LINC00305: variants seen among roughly 807,000 people sequenced by gnomAD.
The protein encoded by LINC00305 is long independently transcribed non-coding RNA 305.
intron 3 of LINC00305, among the ~76,000 whole-genome samples, chr18:64,091,419 T>C (rs2051224621): frequency 6.6e-6 from 1 of 152,214 alleles, no homozygotes; most frequent in Non-Finnish European, 1.5e-5. Context: ...GGACTTCATG[T>C]GCAAAACGCA....
chr18:64,133,946 G>T (rs1279461289), intron 1 of LINC00305, among the ~76,000 whole-genome samples: 1 of 152,072 alleles, frequency 6.6e-6, no homozygotes, highest in Non-Finnish European at 1.5e-5. Flanking sequence ...ATATAAAATA[G>T]TAAATACTTG....
chr18:64,114,769 G>T (rs1284274247), intron 1 of LINC00305, among the ~76,000 whole-genome samples: 2 of 152,188 alleles, frequency 1.3e-5, no homozygotes, highest in African/African-American at 2.4e-5. Flanking sequence ...GGCTGGTCTC[G>T]AACTCCTGAC....
intron 1 of LINC00305, among the ~76,000 whole-genome samples, chr18:64,126,036 T>C (rs932219537): frequency 6.6e-6 from 1 of 152,094 alleles, no homozygotes; most frequent in Admixed American, 6.6e-5. Flanking sequence ...ACTGTTTCCT[T>C]GATCTTGGGC....
intron 1 of LINC00305, among the ~76,000 whole-genome samples, chr18:64,103,889 A>T (rs1196652855): frequency 6.6e-6 from 1 of 152,260 alleles, no homozygotes; most frequent in African/African-American, 2.4e-5. Context: ...GGACATGGAC[A>T]GGGTCACAGT....
chr18:64,116,536 A>G (rs1046614337), intron 1 of LINC00305, among the ~76,000 whole-genome samples: 1 of 152,188 alleles, frequency 6.6e-6, no homozygotes, highest in African/African-American at 2.4e-5. Flanking sequence ...CACAACATAT[A>G]TATCAATTGT....
intron 1 of LINC00305, among the ~76,000 whole-genome samples, chr18:64,112,271 A>G (rs1298483052): frequency 6.6e-6 from 1 of 151,474 alleles, no homozygotes; most frequent in Non-Finnish European, 1.5e-5. Flanking sequence ...GTCATAGCCC[A>G]TTAGCGACTA....
intron 3 of LINC00305, among the ~76,000 whole-genome samples, chr18:64,083,844 T>C (rs2043702297): frequency 6.6e-6 from 1 of 152,206 alleles, no homozygotes; most frequent in African/African-American, 2.4e-5. Context: ...CCTTGATTTG[T>C]TAGGATTTGT....
At position 64,113,506 on chromosome 18, in the gene LINC00305, A is replaced by T. The variant is rs577046530; in HGVS notation, n.315-14866T>A. Reference sequence around the variant, plus strand: ...CTGCACCTTTCCCCAGGTGGCTTGCACATAATGGAAGGGAAGCACTTATAA... The same window carrying T: ...CTGCACCTTTCCCCAGGTGGCTTGCTCATAATGGAAGGGAAGCACTTATAA... On this transcript the variant is annotated intron_variant and non_coding_transcript_variant, in intron 1 of 3. Transcript: ENST00000666468. Among the ~76,000 whole-genome samples, 172 of 152,282 alleles carry T rather than the reference A, an allele frequency of 1.1e-3. 1 individual carries two copies. The highest frequency in any genetic ancestry group is 4.0e-3 in the African/African-American group (168 of 41,558).
chr18:64,128,040 T>C (rs558945226), intron 1 of LINC00305, among the ~76,000 whole-genome samples: 1 of 152,218 alleles, frequency 6.6e-6, no homozygotes, highest in East Asian at 1.9e-4. Flanking sequence ...GTTTTTTTTC[T>C]TTTTTAAGGT....
chr18:64,134,853 T>C (rs2051425290), intron 1 of LINC00305, among the ~76,000 whole-genome samples: 1 of 152,224 alleles, frequency 6.6e-6, no homozygotes, highest in Admixed American at 6.5e-5. Flanking sequence ...TGATTCTAGC[T>C]CTTACAACAG....
intron 2 of LINC00305, among the ~76,000 whole-genome samples, chr18:64,098,344 G>A (rs2676669): frequency 6.6e-6 from 1 of 152,062 alleles, no homozygotes; most frequent in Non-Finnish European, 1.5e-5. Context: ...CTAGAGTGCA[G>A]AATGCAACAA....
chr18:64,087,407 TA>T (rs1232836708), intron 3 of LINC00305, among the ~76,000 whole-genome samples: 2 of 152,210 alleles, frequency 1.3e-5, no homozygotes, highest in East Asian at 3.8e-4. Context: ...TTAGTAAAAT[TA>T]AACTGAAACC....
At chr18:64,097,769 A>C (rs1281782615) in intron 3 of LINC00305, 1 of 418,800 alleles carries the variant, frequency 2.4e-6, no homozygotes. Context: ...ATAAAAAAGT[A>C]GCCATGGAAA....
intron 1 of LINC00305, among the ~76,000 whole-genome samples, chr18:64,132,495 T>C (rs2051414311): frequency 6.6e-6 from 1 of 151,694 alleles, no homozygotes. Flanking sequence ...GTATAAACCT[T>C]AGATAATTTC....
chr18:64,145,554 C>T (rs983951625), intron 1 of LINC00305, among the ~76,000 whole-genome samples: 3 of 152,094 alleles, frequency 2.0e-5, no homozygotes, highest in African/African-American at 7.2e-5. Context: ...GGGCTGCTGG[C>T]CAGATCCCAC....
At chr18:64,139,724 T>C (rs2051452350) in intron 1 of LINC00305, among the ~76,000 whole-genome samples, 1 of 89,202 alleles carries the variant, frequency 1.1e-5, no homozygotes, top group South Asian at 3.1e-4. Context: ...ACCAGTCCCT[T>C]CTCTATCAGG....
intron 1 of LINC00305, among the ~76,000 whole-genome samples, chr18:64,111,346 A>C (rs961394413): frequency 6.6e-6 from 1 of 152,194 alleles, no homozygotes; most frequent in South Asian, 2.1e-4. Flanking sequence ...AGAGGATTTG[A>C]CCTTCCTCAC....
chr18:64,118,369 C>T (rs573954099), intron 1 of LINC00305, among the ~76,000 whole-genome samples: 2 of 152,252 alleles, frequency 1.3e-5, no homozygotes, highest in South Asian at 2.1e-4. Flanking sequence ...AGTACCTACT[C>T]TTTTGTTTTA....
At chr18:64,124,571 C>A (rs1422927331) in intron 1 of LINC00305, among the ~76,000 whole-genome samples, 1 of 152,066 alleles carries the variant, frequency 6.6e-6, no homozygotes, top group Non-Finnish European at 1.5e-5. Context: ...TAATATGTCC[C>A]AATGGCTCTT....
Sources: allele counts gnomAD v4.1 joint callset (sites outside exome capture counted in the v4.1 genomes callset), GRCh38; gene constraint gnomAD v4.1.1; transcripts MANE v1.5; gene names NCBI Gene and HGNC (gene_info 2026-07-23, HGNC 2026-07-21).